Variants in ZKSCAN5 observed in about 807,000 individuals in gnomAD.
The protein encoded by ZKSCAN5 is zinc finger with KRAB and SCAN domains 5, also known as zinc finger protein with KRAB and SCAN domains 5.
A neutral mutation model predicts 60.0 loss-of-function variants in ZKSCAN5; 28 were observed. The ratio of observed to expected loss-of-function variants is 0.47; its 90% CI spans 0.35 to 0.64. ZKSCAN5 has a LOEUF of 0.64. Ranked by LOEUF, ZKSCAN5 falls within the 30% of genes least tolerant of loss-of-function variation. ZKSCAN5 has a pLI of 0.01. For synonymous variants in ZKSCAN5, 361 were observed against 371.2 expected, an observed-to-expected ratio of 0.97 and a Z score of 0.31; for missense variants, 881 against 1,034.6, an observed-to-expected ratio of 0.85 and a Z score of 2.04.
Position 99,526,295 on chromosome 7 carries a change from C to G in ZKSCAN5, c.1255C>G (p.Gln419Glu). Residue 419 changes from glutamine (Q) to glutamate (E), a missense_variant, in exon 6 of 7, where the codon CAG becomes GAG. Coordinates refer to ENST00000326775, the MANE Select transcript of ZKSCAN5 (RefSeq NM_145102.4). ...KAFRVSSHLV[Q>E]HHSVHSGERP... is the part of the protein sequence containing the mutation. ...TTTCCGGGTGAGTTCCCACCTGGTTCAGCACCACAGTGTCCACAGCGGAGA... is the reference window on the plus strand; with the variant it reads ...TTTCCGGGTGAGTTCCCACCTGGTTGAGCACCACAGTGTCCACAGCGGAGA... 6.2e-7 allele frequency: 1 copy of G among 1,612,930 alleles called. No homozygotes were observed. Among genetic ancestry groups the G allele is most frequent in the South Asian group, 1.1e-5 (1 of 91,084 alleles).
chr7:99,510,900 G>C (rs549200508), intron 2 of ZKSCAN5, among the ~76,000 whole-genome samples: 2 of 151,980 alleles, frequency 1.3e-5, no homozygotes, highest in African/African-American at 4.8e-5. Flanking sequence ...TATGCTACCA[G>C]GCCTGGCTAA....
At chr7:99,526,517 G>C (rs531120326) in intron 6 of ZKSCAN5, 99 bp downstream of exon 6, 13 of 1,496,544 alleles carry the variant, frequency 8.7e-6, no homozygotes, top group African/African-American at 1.4e-5. Flanking sequence ...GGTGATACTG[G>C]GGGGGGTAGG....
Position 99,531,755 on chromosome 7 carries a change from C to T in ZKSCAN5, c.2026C>T (p.Leu676=), listed in dbSNP as rs778818515. Residue 676 remains leucine, a synonymous_variant, in exon 7 of 7, where the codon CTA becomes TTA. Transcript: ENST00000326775. ...CGEIFFQYVS[L]IEHQVLHMGQ... ...GGAAATCTTTTTTCAGTACGTTAGC[C>T]TAATTGAACATCAGGTGCTCCACAT... 9.9e-6 allele frequency: 16 copies of T among 1,614,024 alleles called. No homozygotes were observed. The South Asian group carries it at 1.3e-4, about 13-fold the overall frequency.
At chr7:99,517,733 G>A (rs1454148593) in intron 3 of ZKSCAN5, among the ~76,000 whole-genome samples, 1 of 152,002 alleles carries the variant, frequency 6.6e-6, no homozygotes, top group Non-Finnish European at 1.5e-5. Flanking sequence ...TGTAATCCCA[G>A]CTACTTGGGA....
intron 2 of ZKSCAN5, 71 bp downstream of exon 2, chr7:99,506,529 C>G (rs951395671): frequency 1.5e-5 from 22 of 1,493,986 alleles, no homozygotes; most frequent in African/African-American, 2.8e-5. Context: ...GGGTGAGATT[C>G]TTAGTCCTCT....
At chr7:99,515,468 A>G (rs1176324072) in intron 3 of ZKSCAN5, among the ~76,000 whole-genome samples, 2 of 152,040 alleles carry the variant, frequency 1.3e-5, no homozygotes, top group Non-Finnish European at 2.9e-5. Context: ...TGTGCAGGAC[A>G]CCTGGGTATG....
At chr7:99,530,929 C>T (rs551280456) in intron 6 of ZKSCAN5, among the ~76,000 whole-genome samples, 179 bp from the exon 7 acceptor site, 13 of 152,044 alleles carry the variant, frequency 8.6e-5, no homozygotes, top group South Asian at 2.1e-4. Flanking sequence ...TGGTCATGCA[C>T]GCCTGTAGTC....
chr7:99,510,222 C>T (rs1800954635), intron 2 of ZKSCAN5, among the ~76,000 whole-genome samples: 1 of 151,072 alleles, frequency 6.6e-6, no homozygotes, highest in African/African-American at 2.4e-5. Context: ...GTGTGAGCCA[C>T]TGTGCCCAGC....
Position 99,531,679 on chromosome 7 carries a change from A to G in ZKSCAN5, c.1950A>G (p.Gly650=), listed in dbSNP as rs775668676. 2 of 1,614,184 alleles carry G rather than the reference A, an allele frequency of 1.2e-6. No individual in the cohort carries two copies. Among genetic ancestry groups the G allele is most frequent in the South Asian group, 1.1e-5 (1 of 91,080 alleles). Residue 650 remains glycine, a synonymous_variant, in exon 7 of 7, where the codon GGA becomes GGG. Transcript: ENST00000326775. The part of the protein sequence containing the change: ...KGFGRRSHLA[G]HLRLHSREKS... ...TTGGGAGGCGTTCCCACCTGGCTGG[A>G]CATCTTCGACTCCACTCCCGAGAGA...
chr7:99,517,612 C>T (rs965921689), intron 3 of ZKSCAN5, among the ~76,000 whole-genome samples: 12 of 152,044 alleles, frequency 7.9e-5, no homozygotes, highest in East Asian at 1.9e-4. Context: ...ACCTGGGAGG[C>T]GGAGGTTGCA....
chr7:99,512,519 A>C lies in ZKSCAN5; in HGVS notation c.481A>C (p.Ser161Arg). Reference sequence around the variant, plus strand: ...ACCTGGAGCAGTGCAGGAGTCCTGCAGCCCCCATCCCCTGACCGTGGACAC... The same window carrying C: ...ACCTGGAGCAGTGCAGGAGTCCTGCCGCCCCCATCCCCTGACCGTGGACAC... ...ATPGAVQESCSPHPLTVDTQP... is the reference protein window; with the variant it reads ...ATPGAVQESCRPHPLTVDTQP... Residue 161 changes from serine (S) to arginine (R), a missense_variant, in exon 3 of 7, where the codon AGC (serine) becomes CGC (arginine). Physicochemically the swap from Ser to Arg is moderately radical, Grantham distance 110. Around this residue, in one of 5 missense-constraint regions of ZKSCAN5, gnomAD observed 490 missense variants for 554.5 expected, o/e 0.88. Transcript: ENST00000326775. 1 of 1,614,162 alleles carries C rather than the reference A, an allele frequency of 6.2e-7. No homozygotes were observed. Among genetic ancestry groups the C allele is most frequent in the African/African-American group, 1.3e-5 (1 of 75,056 alleles).
At position 99,526,792 on chromosome 7, in the gene ZKSCAN5, C is replaced by T. The variant is rs531565080; in HGVS notation, c.1378+374C>T. Among the ~76,000 whole-genome samples, 5 of 152,250 alleles carry T rather than the reference C, an allele frequency of 3.3e-5. No homozygotes were observed. In the South Asian group the frequency reaches 6.2e-4, roughly 19 times the overall value. On this transcript the variant is annotated intron_variant, in intron 6 of 6. Coordinates refer to ENST00000326775, the MANE Select transcript of ZKSCAN5 (RefSeq NM_145102.4). ...CTGGTTTTGAACTCCTGACCTCAGG[C>T]GATCTGCCTGCCTTGGCCTCCCAAA...
intron 2 of ZKSCAN5, among the ~76,000 whole-genome samples, chr7:99,509,014 A>G (rs1342146695): frequency 6.6e-6 from 1 of 151,416 alleles, no homozygotes; most frequent in Non-Finnish European, 1.5e-5. Context: ...TTTGAGGTGG[A>G]GTCTCACTCT....
chr7:99,516,813 G>A (rs550297103), intron 3 of ZKSCAN5, among the ~76,000 whole-genome samples: 80 of 152,088 alleles, frequency 5.3e-4, no homozygotes, highest in African/African-American at 1.8e-3. Flanking sequence ...CTGCTGCTGC[G>A]TCTCCTGCTC....
intron 1 of ZKSCAN5, 87 bp from the exon 2 acceptor site, chr7:99,505,915 CTAA>C (rs1293742772): frequency 9.8e-5 from 110 of 1,127,180 alleles, no homozygotes; most frequent in Admixed American, 7.6e-5. Context: ...TCTGTCTTTG[CTAA>C]TAATGATGCC....
At chr7:99,529,533 C>T (rs552345315) in intron 6 of ZKSCAN5, among the ~76,000 whole-genome samples, 1 of 152,160 alleles carries the variant, frequency 6.6e-6, no homozygotes, top group Non-Finnish European at 1.5e-5. Flanking sequence ...AAGACAGGCG[C>T]TTACAGTCTT....
intron 5 of ZKSCAN5, among the ~76,000 whole-genome samples, chr7:99,524,455 G>C (rs1012359301): frequency 6.6e-6 from 1 of 152,054 alleles, no homozygotes; most frequent in African/African-American, 2.4e-5. Flanking sequence ...CAAGTGAACC[G>C]CCCGCCTTGG....
intron 6 of ZKSCAN5, among the ~76,000 whole-genome samples, chr7:99,527,879 G>A (rs1341367680): frequency 1.3e-5 from 2 of 151,866 alleles, no homozygotes; most frequent in Non-Finnish European, 2.9e-5. Flanking sequence ...AGTAGAGATG[G>A]GGTTTCACTA....
At chr7:99,518,021 C>T (rs1801342653) in intron 3 of ZKSCAN5, among the ~76,000 whole-genome samples, 2 of 152,088 alleles carry the variant, frequency 1.3e-5, no homozygotes, top group South Asian at 4.1e-4. Flanking sequence ...ATACATATTT[C>T]TTGACTGAAT....
Sources: gnomAD v4.1 joint callset for allele counts (sites outside exome capture counted in the v4.1 genomes callset) on GRCh38, gnomAD v4.1.1 for gene constraint, gnomAD v4.1.1 regional missense constraint, MANE v1.5 for transcripts, NCBI Gene and HGNC (gene_info 2026-07-23, HGNC 2026-07-21) for gene names.